SLC19A1: variants seen among roughly 807,000 people sequenced by gnomAD.
SLC19A1 encodes the protein reduced folate transporter.
A neutral mutation model predicts 35.3 loss-of-function variants in SLC19A1; 37 were observed. The observed-to-expected ratio is 1.05, with a 90% CI of 0.81 to 1.38. The LOEUF (loss-of-function observed/expected upper bound fraction) is 1.38. Ranked by LOEUF, SLC19A1 falls within the 40% of genes most tolerant of loss-of-function variation. The probability of loss-of-function intolerance (pLI) is 0.00; values close to 1 mark genes in which losing one functional copy is unlikely to be tolerated. For synonymous variants in SLC19A1, 460 were observed against 398.5 expected (o/e 1.15, Z -1.84); for missense variants, 831 against 826.9 (o/e 1.00, Z -0.06).
rs1193628602 is a variant in SLC19A1 at position 45,515,989 on chromosome 21, T to G, written c.1445A>C (p.Gln482Pro). Residue 482 changes from glutamine to proline, a missense_variant, in exon 6 of 6, where the codon CAG becomes CCG. Gln to Pro is a moderately conservative substitution (Grantham distance 76, BLOSUM62 -1). Transcript: ENST00000311124. Reference protein sequence around the residue: ...LRSAAEEKAAQALSVQDKGLG... With the variant: ...LRSAAEEKAAPALSVQDKGLG... ...GCCCTTGTCCTGCACGCTCAGTGCC[T>G]GTGCTGCCTTCTCCTCCGCGGCACT... The G allele has an allele frequency of 3.2e-6, 5 of 1,563,892 alleles. No individual in the cohort carries two copies. The highest frequency in any genetic ancestry group is 4.3e-6 in the Non-Finnish European group (5 of 1,155,214).
In SLC19A1 at chr21:45,534,424, C is replaced by T; in HGVS notation, c.190-2276G>A. On this transcript the variant is annotated intron_variant, in intron 2 of 5. Coordinates refer to ENST00000311124, the MANE Select transcript of SLC19A1 (RefSeq NM_194255.4). This position sits in a 1 kb window ranked among gnomAD's most constrained non-coding sequence, Gnocchi z 4.2. ...ACAGCCCCAGCCCCTGGCCGGGGCA[C>T]AGGTTCTGCCCACAGCCCAGAGTCA... The T allele has an allele frequency of 2.4e-6, 2 of 845,260 alleles. No homozygotes were observed. Among genetic ancestry groups the T allele is most frequent in the Middle Eastern group, 2.2e-4 (1 of 4,490 alleles). The allele number at this position is 845,260 out of a possible 1,614,324, so 52.4% of individuals were successfully genotyped here. A position where few individuals can be genotyped will look rare whatever the true frequency, so the allele number is the denominator to read the frequency against.
intron 4 of SLC19A1, among the ~76,000 whole-genome samples, chr21:45,526,607 G>A (rs1337059192): frequency 6.6e-6 from 1 of 152,118 alleles, no homozygotes; most frequent in South Asian, 2.1e-4. Context: ...ATGGAGTCTC[G>A]CTCTGTTGCC....
upstream of SLC19A1, among the ~76,000 whole-genome samples, chr21:45,545,948 G>C (rs892499021): frequency 6.6e-6 from 1 of 152,192 alleles, no homozygotes; most frequent in Admixed American, 6.5e-5. Flanking sequence ...TGCTGCAGCT[G>C]CCCCTCTCTC....
downstream of SLC19A1, among the ~76,000 whole-genome samples, chr21:45,511,541 G>A (rs541679835): frequency 3.3e-5 from 5 of 152,030 alleles, no homozygotes; most frequent in Non-Finnish European, 5.9e-5. Flanking sequence ...GCAGCGCAGC[G>A]AGTTTATTCA....
intron 1 of SLC19A1, 150 bp from the exon 2 acceptor site, chr21:45,538,158 G>A (rs993944369): frequency 2.3e-5 from 11 of 472,928 alleles, no homozygotes; most frequent in South Asian, 1.2e-4. Flanking sequence ...TCCTCACCCC[G>A]TAGCACCAAA....
intron 3 of SLC19A1, chr21:45,503,801 AT>A: frequency 3.2e-6 from 1 of 311,368 alleles, no homozygotes. Context: ...AATTTAAAAA[AT>A]TTAAAAATAA....
chr21:45,556,324 G>A (rs2078561538), intron 1 of SLC19A1, among the ~76,000 whole-genome samples: 1 of 152,190 alleles, frequency 6.6e-6, no homozygotes, highest in Admixed American at 6.5e-5. Context: ...TCAAGCCCTG[G>A]CGGCAGGGCA....
Position 45,531,831 on chromosome 21 carries a change from C to T in SLC19A1, c.507G>A (p.Val169=). ...CCACAGTGACCAGCAGCTGGCCCAGCACGGAGCTGGTGAACACGCCCAGCA... is the reference window on the plus strand; with the variant it reads ...CCACAGTGACCAGCAGCTGGCCCAGTACGGAGCTGGTGAACACGCCCAGCA... ...AVLLGVFTSS[V]LGQLLVTVGR... is the part of the protein sequence containing the mutation. Residue 169 remains valine (V), a synonymous_variant, in exon 3 of 6, where the codon GTG becomes GTA. Coordinates refer to ENST00000311124, the MANE Select transcript of SLC19A1 (RefSeq NM_194255.4). The T allele has an allele frequency of 6.3e-7, 1 of 1,587,622 alleles. No homozygotes were observed. The highest frequency in any genetic ancestry group is 8.6e-7 in the Non-Finnish European group (1 of 1,167,592).
At chr21:45,529,995 CGT>C (rs999647927) in intron 4 of SLC19A1, among the ~76,000 whole-genome samples, 2 of 124,364 alleles carry the variant, frequency 1.6e-5, no homozygotes, top group Non-Finnish European at 3.4e-5. Context: ...GGTGGGTGTC[CGT>C]GTGTGTGGTG....
Position 45,556,602 on chromosome 21 carries a change from G to A in SLC19A1, c.-50+6140C>T, listed in dbSNP as rs543900258. Among the ~76,000 whole-genome samples, 4 of 152,364 alleles carry A rather than the reference G, an allele frequency of 2.6e-5. No homozygotes were observed. In the South Asian group the frequency reaches 6.2e-4, roughly 24 times the overall value. On this transcript the variant is annotated intron_variant, in intron 1 of 5. Coordinates refer to the SLC19A1 transcript ENST00000650808. ...AACTGAATTCTTCTCAAAACACCGTGCAGACGAAACCAGTCAGTGACACAC... is the reference window on the plus strand; with the variant it reads ...AACTGAATTCTTCTCAAAACACCGTACAGACGAAACCAGTCAGTGACACAC...
chr21:45,512,682 C>T lies in SLC19A1; in HGVS notation c.*2976G>A, dbSNP rs1160556580. ...GGGTGCAGTATCATGCCCTGTGCAA[C>T]CTCTTGGCCTGATCAGACCACGGCT... On this transcript the variant is annotated 3_prime_UTR_variant, in exon 6 of 6. Transcript: ENST00000311124. 2 of 509,214 alleles carry T rather than the reference C, an allele frequency of 3.9e-6. No homozygotes were observed. Among genetic ancestry groups the T allele is most frequent in the African/African-American group, 3.9e-5 (2 of 51,852 alleles). 31.5% of individuals were successfully genotyped at this position (509,214 alleles called of 1,614,324 possible).
chr21:45,541,198 A>T (rs2078292350), intron 1 of SLC19A1, among the ~76,000 whole-genome samples: 1 of 152,200 alleles, frequency 6.6e-6, no homozygotes, highest in African/African-American at 2.4e-5. Context: ...TGGAATTATA[A>T]AAATCCACCA....
At chr21:45,510,199 C>T, downstream of SLC19A1, 1 of 1,602,148 alleles carries the variant, frequency 6.2e-7, no homozygotes, top group Non-Finnish European at 8.5e-7. Flanking sequence ...CTCGCGCCTG[C>T]AGGACCTGTA....
chr21:45,548,466 G>A (rs2078434613), upstream of SLC19A1, among the ~76,000 whole-genome samples: 1 of 152,164 alleles, frequency 6.6e-6, no homozygotes, highest in African/African-American at 2.4e-5. Flanking sequence ...AAAAGAGGCC[G>A]GGCGCAGTGG....
Position 45,530,011 on chromosome 21 carries a change from G to A in SLC19A1, c.1151+759C>T, listed in dbSNP as rs1416267628. Among the ~76,000 whole-genome samples, 1 of 149,598 alleles carries A rather than the reference G, an allele frequency of 6.7e-6. No individual in the cohort carries two copies. The highest frequency in any genetic ancestry group is 1.5e-5 in the Non-Finnish European group (1 of 67,386). On this transcript the variant is annotated intron_variant, in intron 4 of 5. Coordinates refer to ENST00000311124, the MANE Select transcript of SLC19A1 (RefSeq NM_194255.4). This position sits in a 1 kb window ranked among gnomAD's most constrained non-coding sequence, Gnocchi z 5.3. ...GTGGGTGTCCGTGTGTGTGGTGTGT[G>A]TCCATGTGTAAGTATGTGATGCATT...
At chr21:45,548,991 G>A (rs896623791), upstream of SLC19A1, among the ~76,000 whole-genome samples, 3 of 152,168 alleles carry the variant, frequency 2.0e-5, no homozygotes, top group Non-Finnish European at 4.4e-5. Flanking sequence ...TTCTTGTGGA[G>A]TTTAACACGT....
At chr21:45,507,150 TGGGAGGGCC>T (rs1313520386) in intron 3 of SLC19A1, 2 of 116,946 alleles carry the variant, frequency 1.7e-5, no homozygotes, top group Non-Finnish European at 3.0e-5. Context: ...TCCTGTGGGC[TGGGAGGGCC>T]GGGTGTTGGG....
At chr21:45,529,978 TGA>T (rs1435406612) in intron 4 of SLC19A1, among the ~76,000 whole-genome samples, 14 of 150,942 alleles carry the variant, frequency 9.3e-5, no homozygotes, top group African/African-American at 2.4e-4. Flanking sequence ...TGTGTTCATG[TGA>T]GTGTGGTGGG....
downstream of SLC19A1, among the ~76,000 whole-genome samples, chr21:45,508,461 G>A (rs1177400773): frequency 7.8e-6 from 1 of 128,706 alleles, no homozygotes; most frequent in South Asian, 2.6e-4. Flanking sequence ...GTGGATGGGT[G>A]GATGGACAGG....
Sources: allele counts gnomAD v4.1 joint callset (sites outside exome capture counted in the v4.1 genomes callset), GRCh38; gene constraint gnomAD v4.1.1; non-coding constraint Gnocchi (gnomAD v3.1); transcripts MANE v1.5; gene names NCBI Gene and HGNC (gene_info 2026-07-23, HGNC 2026-07-21).